RALGAPA2: variants seen among roughly 807,000 people sequenced by gnomAD.
RALGAPA2 encodes Ral GTPase activating protein catalytic subunit alpha 2.
A neutral mutation model predicts 230.4 loss-of-function variants in RALGAPA2; 139 were observed. The ratio of observed to expected loss-of-function variants is 0.60; its 90% confidence interval spans 0.53 to 0.69. The LOEUF is 0.69. Among genes scored for constraint, RALGAPA2 ranks in the 30% least tolerant of loss-of-function variants. The pLI is 0.00. For missense variants in RALGAPA2, 2,163 were observed against 2,276.0 expected, an observed-to-expected ratio of 0.95 and a Z score of 1.01; for synonymous variants, 847 against 837.8, an observed-to-expected ratio of 1.01 and a Z score of -0.19.
intron 6 of RALGAPA2, 145 bp from the exon 7 acceptor site, chr20:20,640,045 G>A: frequency 1.6e-6 from 1 of 615,280 alleles, no homozygotes; most frequent in Non-Finnish European, 2.9e-6. Context: ...AAGGCAGTGT[G>A]CATAAAGGGC....
At chr20:20,515,279 A>C (rs1475884927) in intron 31 of RALGAPA2, among the ~76,000 whole-genome samples, 6 of 152,232 alleles carry the variant, frequency 3.9e-5, no homozygotes, top group Non-Finnish European at 1.5e-5. Context: ...AGAAGTGCAT[A>C]GGGCTATAGA....
At chr20:20,422,923 C>T (rs1178633768) in intron 37 of RALGAPA2, among the ~76,000 whole-genome samples, 2 of 152,190 alleles carry the variant, frequency 1.3e-5, no homozygotes, top group Non-Finnish European at 2.9e-5. Context: ...CTTCGTCAGA[C>T]TGCAATGGGC....
At chr20:20,427,526 G>T (rs1048928552) in intron 37 of RALGAPA2, among the ~76,000 whole-genome samples, 1 of 152,026 alleles carries the variant, frequency 6.6e-6, no homozygotes, top group South Asian at 2.1e-4. Flanking sequence ...TAGCCCAGGG[G>T]CTGCTGTCTT....
intron 37 of RALGAPA2, among the ~76,000 whole-genome samples, chr20:20,419,217 G>C (rs991548105): frequency 6.6e-6 from 1 of 152,124 alleles, no homozygotes; most frequent in South Asian, 2.1e-4. Context: ...GTACCGGGAC[G>C]TGTTTTAGTG....
In RALGAPA2 at chr20:20,611,423, T is replaced by C. The variant is rs1295116706; in HGVS notation, c.1692A>G (p.Glu564=). Residue 564 remains glutamate (E), a synonymous_variant, in exon 14 of 40, where the codon GAA becomes GAG. Coordinates refer to ENST00000202677, the MANE Select transcript of RALGAPA2 (RefSeq NM_020343.4). ...MELTMNKKTW[E]QMLQILLRIT... ...TCCTGAGTAGTATTTGCAACATCTGTTCCCTGGGCCACCCAAAATAAAAGC... is the reference window on the plus strand; with the variant it reads ...TCCTGAGTAGTATTTGCAACATCTGCTCCCTGGGCCACCCAAAATAAAAGC... 2.5e-6 allele frequency: 4 copies of C among 1,611,204 alleles called. No individual in the cohort carries two copies. The African/African-American group carries it at 5.3e-5, about 22-fold the overall frequency.
intron 37 of RALGAPA2, among the ~76,000 whole-genome samples, chr20:20,466,658 C>A (rs1457072795): frequency 6.6e-6 from 1 of 152,190 alleles, no homozygotes; most frequent in East Asian, 1.9e-4. Flanking sequence ...GGCCGTAGTT[C>A]CTGTGACTGG....
At chr20:20,617,846 G>C (rs188651119) in intron 12 of RALGAPA2, among the ~76,000 whole-genome samples, 102 of 152,196 alleles carry the variant, frequency 6.7e-4, no homozygotes, top group African/African-American at 2.2e-3. Context: ...AAGGACTAAG[G>C]TATTAGATAT....
intron 12 of RALGAPA2, among the ~76,000 whole-genome samples, chr20:20,618,493 A>G (rs2066219945): frequency 6.6e-6 from 1 of 152,126 alleles, no homozygotes; most frequent in Non-Finnish European, 1.5e-5. Context: ...AAAAAAGGAT[A>G]CCACGAAAAT....
At chr20:20,546,370 C>G (rs2063775210) in intron 24 of RALGAPA2, among the ~76,000 whole-genome samples, 1 of 152,108 alleles carries the variant, frequency 6.6e-6, no homozygotes, top group Non-Finnish European at 1.5e-5. Flanking sequence ...TTTTAAAACT[C>G]TCTATTTTAG....
rs551573500 is a variant in RALGAPA2 at position 20,512,420 on chromosome 20, A to T, written c.4856+93T>A. 4.2e-5 allele frequency: 53 copies of T among 1,275,596 alleles called. 1 individual carries two copies. The South Asian group carries it at 8.1e-4, about 19-fold the overall frequency. The allele number at this position is 1,275,596 out of a possible 1,614,324, so 79.0% of individuals were successfully genotyped here. A position where few individuals can be genotyped will look rare whatever the true frequency, so the allele number is the denominator to read the frequency against. On this transcript the variant is annotated intron_variant, in intron 32 of 39. Coordinates refer to ENST00000202677, the MANE Select transcript of RALGAPA2 (RefSeq NM_020343.4). ...AAATCTCCCTTCTCCTCTCTTCCCC[A>T]ATCTTTTCTTCTTCCCCAACCACAA...
chr20:20,654,270 C>T (rs769378201), intron 3 of RALGAPA2, among the ~76,000 whole-genome samples: 2 of 152,216 alleles, frequency 1.3e-5, no homozygotes, highest in Non-Finnish European at 2.9e-5. Flanking sequence ...CTCACTGCAA[C>T]CTCTGCCTCC....
intron 10 of RALGAPA2, among the ~76,000 whole-genome samples, chr20:20,628,568 C>A (rs574028311): frequency 3.7e-4 from 56 of 152,182 alleles, no homozygotes; most frequent in African/African-American, 1.3e-3. Flanking sequence ...ACACATTGAG[C>A]CAGATAGTTC....
At position 20,611,424 on chromosome 20, in the gene RALGAPA2, TC is replaced by T; in HGVS notation, c.1690del (p.Glu564AsnfsTer10). ...CCTGAGTAGTATTTGCAACATCTGT[TC>T]CCTGGGCCACCCAAAATAAAAGCTC... ...MELTMNKKTWEQMLQILLRIT... is the reference protein window; with the variant it reads ...MELTMNKKTWXQMLQILLRIT... On this transcript the variant is annotated frameshift_variant and splice_region_variant, in exon 14 of 40. Coordinates refer to ENST00000202677, the MANE Select transcript of RALGAPA2 (RefSeq NM_020343.4). LOFTEE classifies it high-confidence loss of function. 1 of 1,611,162 alleles carries T rather than the reference TC, an allele frequency of 6.2e-7. No homozygotes were observed. The highest frequency in any genetic ancestry group is 8.5e-7 in the Non-Finnish European group (1 of 1,178,410).
chr20:20,441,260 C>T (rs1391391685), intron 37 of RALGAPA2, among the ~76,000 whole-genome samples: 1 of 152,212 alleles, frequency 6.6e-6, no homozygotes, highest in African/African-American at 2.4e-5. Context: ...AGCTGTTTCA[C>T]ATGAGGACCT....
chr20:20,632,976 T>C (rs1211502522), intron 9 of RALGAPA2, among the ~76,000 whole-genome samples: 1 of 151,882 alleles, frequency 6.6e-6, no homozygotes, highest in African/African-American at 2.4e-5. Flanking sequence ...TTAAATAAAG[T>C]CAAACCTCAT....
chr20:20,605,070 G>C (rs2065777681), intron 15 of RALGAPA2, 105 bp downstream of exon 15: 1 of 860,538 alleles, frequency 1.2e-6, no homozygotes, highest in South Asian at 1.6e-5. Context: ...CTGTGTAGTT[G>C]GTTCAGTTCA....
intron 4 of RALGAPA2, among the ~76,000 whole-genome samples, chr20:20,649,334 T>G (rs543816807): frequency 1.3e-5 from 2 of 152,012 alleles, no homozygotes; most frequent in Admixed American, 1.3e-4. Context: ...CAGTGGGGAG[T>G]AGGGACCTTG....
intron 4 of RALGAPA2, among the ~76,000 whole-genome samples, chr20:20,648,278 C>A (rs577037855): frequency 2.0e-5 from 3 of 152,184 alleles, no homozygotes; most frequent in Admixed American, 1.3e-4. Context: ...ATGTAAGACT[C>A]TAGAAAACGC....
intron 17 of RALGAPA2, among the ~76,000 whole-genome samples, chr20:20,590,935 T>A (rs1204289334): frequency 6.6e-6 from 1 of 152,080 alleles, no homozygotes; most frequent in African/African-American, 2.4e-5. Context: ...TCCTCAAACA[T>A]GCCAACCTTT....
Sources: gnomAD v4.1 joint callset for allele counts (sites outside exome capture counted in the v4.1 genomes callset) on GRCh38, gnomAD v4.1.1 for gene constraint, MANE v1.5 for transcripts, NCBI Gene and HGNC (gene_info 2026-07-23, HGNC 2026-07-21) for gene names.